The following CENPW variants were observed in gnomAD, a reference collection of about 807,000 sequenced individuals.
CENPW encodes the protein centromere protein W.
Under a neutral mutation model 11.1 loss-of-function variants are expected in CENPW, and 3 were observed. That is an observed-to-expected ratio of 0.27 (90% CI 0.12 to 0.70). The LOEUF (loss-of-function observed/expected upper bound fraction) is 0.70. CENPW is among the 30% of genes least tolerant of loss of function. CENPW has a pLI of 0.77. For synonymous variants in CENPW, 38 were observed against 42.0 expected, an observed-to-expected ratio of 0.91 and a Z score of 0.37; for missense variants, 100 against 105.6, an observed-to-expected ratio of 0.95 and a Z score of 0.23.
chr6:126,467,650 A>G, the CENPW span, among the ~76,000 whole-genome samples: 2 of 152,120 alleles, frequency 1.3e-5, no homozygotes, highest in East Asian at 1.9e-4. Context: ...AAATAAATAA[A>G]TAAATGTGGG....
chr6:126,382,293 A>G, the CENPW span, among the ~76,000 whole-genome samples: 4 of 152,164 alleles, frequency 2.6e-5, no homozygotes, highest in Admixed American at 2.0e-4. Context: ...AAAAATATCT[A>G]AAGGACAGCA....
At chr6:126,435,354 G>A in the CENPW span, among the ~76,000 whole-genome samples, 3 of 151,690 alleles carry the variant, frequency 2.0e-5, no homozygotes, top group Admixed American at 6.6e-5. Context: ...ACATAAATCT[G>A]TACATTTATG....
At chr6:126,369,369 G>A in the CENPW span, among the ~76,000 whole-genome samples, 1 of 152,148 alleles carries the variant, frequency 6.6e-6, no homozygotes, top group Non-Finnish European at 1.5e-5. Flanking sequence ...CTTTTCCATA[G>A]TGGTTGTACT....
chr6:126,441,663 C>T, the CENPW span, among the ~76,000 whole-genome samples: 1 of 151,462 alleles, frequency 6.6e-6, no homozygotes, highest in South Asian at 2.1e-4. Flanking sequence ...GCCTTTGCAT[C>T]CTCATAGTTT....
chr6:126,456,393 G>A, the CENPW span, among the ~76,000 whole-genome samples: 1 of 151,036 alleles, frequency 6.6e-6, no homozygotes, highest in Non-Finnish European at 1.5e-5. Context: ...GCCCAGAAAT[G>A]AGGACACACG....
At chr6:126,351,762 AT>A (rs1362296547), downstream of CENPW, among the ~76,000 whole-genome samples, 20 of 144,428 alleles carry the variant, frequency 1.4e-4, no homozygotes, top group South Asian at 4.4e-4. Context: ...TGTGGGTTTC[AT>A]TTTTTTTTTT....
At chr6:126,340,515 T>G in intron 1 of CENPW, 116 bp downstream of exon 1, 1 of 1,465,782 alleles carries the variant, frequency 6.8e-7, no homozygotes, top group Admixed American at 1.8e-5. Context: ...GGCCCCTGTT[T>G]AAGGCAGTTC....
At chr6:126,390,425 T>G in the CENPW span, among the ~76,000 whole-genome samples, 2 of 151,942 alleles carry the variant, frequency 1.3e-5, no homozygotes, top group African/African-American at 4.8e-5. Context: ...CAAAGATAAA[T>G]GGGATATCCA....
the CENPW span, among the ~76,000 whole-genome samples, chr6:126,436,717 T>A: frequency 6.6e-6 from 1 of 151,848 alleles, no homozygotes; most frequent in African/African-American, 2.4e-5. Flanking sequence ...TATCTAATCA[T>A]AACCCCCCTT....
At chr6:126,477,501 C>T in the CENPW span, among the ~76,000 whole-genome samples, 6 of 151,780 alleles carry the variant, frequency 4.0e-5, no homozygotes, top group Admixed American at 3.3e-4. Flanking sequence ...AGATCTCTGC[C>T]AGCAAATAAT....
chr6:126,360,600 C>T, the CENPW span, among the ~76,000 whole-genome samples: 4 of 151,978 alleles, frequency 2.6e-5, no homozygotes, highest in Non-Finnish European at 5.9e-5. Context: ...TCCCATATTT[C>T]TCAGAGATTT....
chr6:126,395,264 C>T, the CENPW span, among the ~76,000 whole-genome samples: 1 of 151,928 alleles, frequency 6.6e-6, no homozygotes, highest in African/African-American at 2.4e-5. Flanking sequence ...TTTTGAATAA[C>T]CTGTCTTTAA....
At chr6:126,404,983 T>G in the CENPW span, among the ~76,000 whole-genome samples, 1 of 152,098 alleles carries the variant, frequency 6.6e-6, no homozygotes, top group Non-Finnish European at 1.5e-5. Flanking sequence ...CTGTTTCCTT[T>G]GCTGTGCAGA....
chr6:126,344,025 T>A (rs1780361896), intron 1 of CENPW, among the ~76,000 whole-genome samples: 1 of 152,360 alleles, frequency 6.6e-6, no homozygotes, highest in African/African-American at 2.4e-5. Flanking sequence ...GGGTCTGATT[T>A]AAAAAAAAAT....
At chr6:126,433,828 A>C in the CENPW span, among the ~76,000 whole-genome samples, 1 of 152,232 alleles carries the variant, frequency 6.6e-6, no homozygotes, top group East Asian at 1.9e-4. Flanking sequence ...GAACGGCTGA[A>C]TTTAAAGAAA....
chr6:126,402,905 G>A, the CENPW span, among the ~76,000 whole-genome samples: 1 of 151,914 alleles, frequency 6.6e-6, no homozygotes, highest in Non-Finnish European at 1.5e-5. Flanking sequence ...TTGAAGGTTT[G>A]TGGCAACCCT....
In CENPW at chr6:126,348,460, T is replaced by C. The variant is rs771249337; in HGVS notation, c.241-6T>C. ...AATATGAATCTTATTTTTTTCCCTC[T>C]TACAGGTAATTCTAAAGAAGAGCAG... On this transcript the variant is annotated splice_polypyrimidine_tract_variant and splice_region_variant and intron_variant, in intron 2 of 2. Transcript: ENST00000368328. The C allele has an allele frequency of 6.7e-6, 9 of 1,345,744 alleles. No homozygotes were observed. In the East Asian group the frequency reaches 1.2e-4, roughly 17 times the overall value. 83.4% of individuals were successfully genotyped at this position (1,345,744 alleles called of 1,614,324 possible). A position where few individuals can be genotyped will look rare whatever the true frequency, so the allele number is the denominator to read the frequency against.
the CENPW span, among the ~76,000 whole-genome samples, chr6:126,464,757 C>A: frequency 6.6e-6 from 1 of 152,154 alleles, no homozygotes; most frequent in Non-Finnish European, 1.5e-5. Context: ...CCTTGACTTG[C>A]AGATGGCCTA....
the CENPW span, among the ~76,000 whole-genome samples, chr6:126,454,470 T>A: frequency 6.6e-6 from 1 of 151,424 alleles, no homozygotes; most frequent in Non-Finnish European, 1.5e-5. Context: ...TCTGAATGAC[T>A]TTTGAGTAAA....
Sources: gnomAD v4.1 joint callset for allele counts (sites outside exome capture counted in the v4.1 genomes callset) on GRCh38, gnomAD v4.1.1 for gene constraint, MANE v1.5 for transcripts, NCBI Gene and HGNC (gene_info 2026-07-23, HGNC 2026-07-21) for gene names.